The following SUMF1 variants were observed in gnomAD, a reference collection of about 807,000 sequenced individuals.
The protein encoded by SUMF1 is formylglycine-generating enzyme.
A neutral mutation model predicts 47.6 loss-of-function variants in SUMF1; 48 were observed. The observed-to-expected ratio is 1.01, with a 90% CI of 0.80 to 1.28. SUMF1 has a LOEUF of 1.28. SUMF1 is among the 50% of genes most tolerant of loss of function. The pLI, the probability that SUMF1 is intolerant of heterozygous loss-of-function variation, is 0.00. For missense variants in SUMF1, 571 were observed against 485.4 expected, an observed-to-expected ratio of 1.18 and a Z score of -1.66; for synonymous variants, 230 against 192.1, an observed-to-expected ratio of 1.20 and a Z score of -1.63.
chr3:4,104,379 G>A (rs1224024466), intron 8 of SUMF1, among the ~76,000 whole-genome samples: 2 of 151,926 alleles, frequency 1.3e-5, no homozygotes, highest in Non-Finnish European at 2.9e-5. Flanking sequence ...CCTGTCTCAG[G>A]TATATCTTTA....
At chr3:4,169,187 A>G (rs577418205) in intron 8 of SUMF1, among the ~76,000 whole-genome samples, 2 of 152,190 alleles carry the variant, frequency 1.3e-5, no homozygotes, top group South Asian at 4.1e-4. Flanking sequence ...TCTATCTACA[A>G]CAGCTGCTAT....
chr3:4,303,252 T>A lies in SUMF1; in HGVS notation c.1014+73078A>T, dbSNP rs221109. 4.3e-6 allele frequency: 5 copies of A among 1,169,868 alleles called. No homozygotes were observed. The South Asian group carries it at 7.3e-5, about 17-fold the overall frequency. 72.5% of individuals were successfully genotyped at this position (1,169,868 alleles called of 1,614,324 possible). A position where few individuals can be genotyped will look rare whatever the true frequency, so the allele number is the denominator to read the frequency against. On this transcript the variant is annotated intron_variant and NMD_transcript_variant, in intron 8 of 12. Transcript: ENST00000448413. ...GGAAGGGAAGCGCCTTCCAGGCCAC[T>A]CCTGAGAAGAAACGAACTACAATTC...
chr3:4,057,488 C>T (rs1164283051), intron 9 of SUMF1, among the ~76,000 whole-genome samples: 1 of 152,124 alleles, frequency 6.6e-6, no homozygotes, highest in Non-Finnish European at 1.5e-5. Context: ...AAAGAAAGAA[C>T]ATAGAGAAAC....
chr3:4,369,659 G>C (rs1300316445), intron 8 of SUMF1, among the ~76,000 whole-genome samples: 4 of 152,144 alleles, frequency 2.6e-5, no homozygotes, highest in African/African-American at 9.7e-5. Context: ...GTGGTCCTCG[G>C]ACCTCAGCAT....
At chr3:4,267,475 T>C (rs1406845559) in intron 8 of SUMF1, among the ~76,000 whole-genome samples, 1 of 152,190 alleles carries the variant, frequency 6.6e-6, no homozygotes, top group Admixed American at 6.5e-5. Flanking sequence ...TGTCGAGGAA[T>C]TTATCCATTT....
chr3:4,142,301 T>C (rs752282896), intron 8 of SUMF1, among the ~76,000 whole-genome samples: 8 of 152,126 alleles, frequency 5.3e-5, no homozygotes, highest in Non-Finnish European at 1.0e-4. Flanking sequence ...GTTTTGACAA[T>C]TCCATCACAT....
Position 4,232,573 on chromosome 3 carries a change from G to T in SUMF1, c.1014+143757C>A, listed in dbSNP as rs555447920. On this transcript the variant is annotated intron_variant and NMD_transcript_variant, in intron 8 of 12. Transcript: ENST00000448413. ...AAGGAAATCAGGGAATTATTCAAAA[G>T]GAAGAATTTATGCTTGCTTGCCGCC... 4.0e-4 allele frequency among the ~76,000 whole-genome samples: 61 copies of T among 151,846 alleles called. 2 individuals carry two copies. In the South Asian group the frequency reaches 5.4e-3, roughly 13 times the overall value.
intron 8 of SUMF1, among the ~76,000 whole-genome samples, chr3:4,335,295 C>A (rs889959812): frequency 6.6e-6 from 1 of 152,158 alleles, no homozygotes; most frequent in Non-Finnish European, 1.5e-5. Flanking sequence ...CAAGACCAGA[C>A]CACCCTACCT....
At chr3:4,291,835 G>T (rs1370278306) in intron 8 of SUMF1, among the ~76,000 whole-genome samples, 1 of 152,172 alleles carries the variant, frequency 6.6e-6, no homozygotes, top group Non-Finnish European at 1.5e-5. Context: ...CTGCTTCTCT[G>T]ATCTGGATTA....
chr3:4,326,522 G>T (rs111499989), intron 8 of SUMF1, among the ~76,000 whole-genome samples: 1,655 of 128,688 alleles, frequency 0.013, 33 homozygotes, highest in African/African-American at 0.046. Flanking sequence ...TTTTCCAAGG[G>T]TTTTTTTTTT....
At chr3:4,312,831 G>C in intron 8 of SUMF1, 1 of 1,511,456 alleles carries the variant, frequency 6.6e-7, no homozygotes, top group Non-Finnish European at 8.8e-7. Context: ...CCAGTCAGAA[G>C]CTACTTGGAA....
Position 4,260,529 on chromosome 3 carries a change from G to T in SUMF1, c.1014+115801C>A, listed in dbSNP as rs549303738. Among the ~76,000 whole-genome samples the T allele has an allele frequency of 5.1e-4, 77 of 152,286 alleles. 2 individuals are homozygous for T. The highest frequency in any genetic ancestry group is 2.5e-3 in the South Asian group (12 of 4,824). Reference sequence around the variant, plus strand: ...CCAGTTTCCAGCCCTGATTATCAGAGATTGGGATAAACCTGGGCATAACGT... The same window carrying T: ...CCAGTTTCCAGCCCTGATTATCAGATATTGGGATAAACCTGGGCATAACGT... On this transcript the variant is annotated intron_variant and NMD_transcript_variant, in intron 8 of 12. Transcript: ENST00000448413.
intron 7 of SUMF1, among the ~76,000 whole-genome samples, chr3:4,399,336 C>T (rs1277824445): frequency 6.6e-6 from 1 of 152,078 alleles, no homozygotes; most frequent in Non-Finnish European, 1.5e-5. Context: ...TATAAAGCTA[C>T]AGTGGGGAAG....
intron 8 of SUMF1, among the ~76,000 whole-genome samples, chr3:4,259,131 G>T (rs1222029199): frequency 1.4e-5 from 2 of 146,818 alleles, no homozygotes; most frequent in Non-Finnish European, 3.0e-5. Context: ...GGGGAGGGTG[G>T]AGGGATAGCA....
At chr3:4,318,918 A>G (rs1482492901) in intron 8 of SUMF1, among the ~76,000 whole-genome samples, 2 of 152,150 alleles carry the variant, frequency 1.3e-5, no homozygotes, top group African/African-American at 4.8e-5. Context: ...AAAAACACAA[A>G]AAAAGCCGTA....
At chr3:4,367,677 C>T (rs1331330194) in intron 8 of SUMF1, among the ~76,000 whole-genome samples, 17 of 152,244 alleles carry the variant, frequency 1.1e-4, no homozygotes, top group East Asian at 5.8e-4. Flanking sequence ...TCAGAAATAA[C>T]GCCGCATGTC....
At chr3:4,413,409 G>A (rs1053316275) in intron 6 of SUMF1, among the ~76,000 whole-genome samples, 2 of 152,036 alleles carry the variant, frequency 1.3e-5, no homozygotes, top group African/African-American at 4.8e-5. Context: ...AAGGGTTTGG[G>A]TATTTTTTTC....
intron 8 of SUMF1, among the ~76,000 whole-genome samples, chr3:4,225,895 C>T (rs1170337044): frequency 3.3e-5 from 5 of 152,102 alleles, no homozygotes; most frequent in Admixed American, 2.6e-4. Flanking sequence ...TTATGGCTTA[C>T]TATAAGGCTA....
At chr3:4,090,197 T>C (rs1692755324) in intron 8 of SUMF1, among the ~76,000 whole-genome samples, 1 of 152,072 alleles carries the variant, frequency 6.6e-6, no homozygotes, top group South Asian at 2.1e-4. Flanking sequence ...TGCTGCTTCA[T>C]TCAACATTGT....
Sources: gnomAD v4.1 joint callset for allele counts (sites outside exome capture counted in the v4.1 genomes callset) on GRCh38, gnomAD v4.1.1 for gene constraint, MANE v1.5 for transcripts, NCBI Gene and HGNC (gene_info 2026-07-23, HGNC 2026-07-21) for gene names.